B4GALNT3: variants seen among roughly 807,000 people sequenced by gnomAD.
The protein encoded by B4GALNT3 is beta-1,4-N-acetyl-galactosaminyltransferase 3, also known as beta-1,4-N-acetylgalactosaminyltransferase 3.
A neutral mutation model predicts 120.2 loss-of-function variants in B4GALNT3; 86 were observed. That is an observed-to-expected ratio of 0.72 (90% CI 0.60 to 0.86). The LOEUF (loss-of-function observed/expected upper bound fraction) is 0.86. Ranked by LOEUF, B4GALNT3 falls within the 40% of genes least tolerant of loss-of-function variation. B4GALNT3 has a pLI of 0.00. For synonymous variants in B4GALNT3, 518 were observed against 510.4 expected (o/e 1.01, Z -0.20); for missense variants, 1,167 against 1,298.9 (o/e 0.90, Z 1.56).
intron 9 of B4GALNT3, among the ~76,000 whole-genome samples, chr12:549,500 G>C (rs1308908988): frequency 6.6e-6 from 1 of 152,366 alleles, no homozygotes; most frequent in East Asian, 1.9e-4. Context: ...GCAGTCCGCA[G>C]TAACACATTT....
rs1269636399 is a variant in B4GALNT3, at chr12:554,618, G to A, written c.2060+635G>A. On this transcript the variant is annotated intron_variant, in intron 14 of 19. Coordinates refer to ENST00000266383, the MANE Select transcript of B4GALNT3 (RefSeq NM_173593.4). ...ATCCTGGCTAACACGGTGAAACCCCGTCTCTACTAAAAATACAAAAAATTA... is the reference window on the plus strand; with the variant it reads ...ATCCTGGCTAACACGGTGAAACCCCATCTCTACTAAAAATACAAAAAATTA... 1.5e-3 allele frequency among the ~76,000 whole-genome samples: 228 copies of A among 150,704 alleles called. 2 individuals are homozygous for A. Among genetic ancestry groups the A allele is most frequent in the African/African-American group, 5.1e-3 (209 of 40,980 alleles).
At chr12:496,695 G>A (rs894727971) in intron 1 of B4GALNT3, among the ~76,000 whole-genome samples, 2 of 152,014 alleles carry the variant, frequency 1.3e-5, no homozygotes, top group Admixed American at 6.6e-5. Context: ...AAATATTTCC[G>A]TCACCCCTAA....
At chr12:523,646 C>G (rs923467319) in intron 1 of B4GALNT3, among the ~76,000 whole-genome samples, 4 of 152,238 alleles carry the variant, frequency 2.6e-5, no homozygotes, top group Admixed American at 2.6e-4. Flanking sequence ...TTCCCTTTGA[C>G]ATTAAACAAA....
Position 559,318 on chromosome 12 carries a change from G to A in B4GALNT3, c.2785G>A (p.Gly929Arg), listed in dbSNP as rs370365454. 13 of 1,613,848 alleles carry A rather than the reference G, an allele frequency of 8.1e-6. No homozygotes were observed. Among genetic ancestry groups the A allele is most frequent in the African/African-American group, 2.7e-5 (2 of 74,882 alleles). ...PEGYWEVNGFGLLGIYKSDLD... is the reference protein window; with the variant it reads ...PEGYWEVNGFRLLGIYKSDLD... The stretch of plus-strand genomic sequence containing the variant: ...AGGCTACTGGGAGGTGAATGGGTTC[G>A]GGCTGCTTGGCATCTACAAGTCTGA... Residue 929 changes from glycine (G) to arginine (R), a missense_variant, in exon 19 of 20, where the codon GGG (glycine) becomes AGG (arginine). Coordinates refer to ENST00000266383, the MANE Select transcript of B4GALNT3 (RefSeq NM_173593.4).
chr12:534,489 C>T (rs1031069939), intron 1 of B4GALNT3, among the ~76,000 whole-genome samples: 9 of 152,202 alleles, frequency 5.9e-5, no homozygotes, highest in Admixed American at 2.0e-4. Flanking sequence ...CCCTCCCTCT[C>T]GCCATGGTTT....
intron 1 of B4GALNT3, among the ~76,000 whole-genome samples, chr12:470,962 C>G (rs1360232137): frequency 6.6e-6 from 1 of 152,004 alleles, no homozygotes; most frequent in East Asian, 2.0e-4. Flanking sequence ...CTCCTGACCT[C>G]AGGTGATGCG....
chr12:548,169 A>G lies in B4GALNT3; in HGVS notation c.787-62A>G. 1.9e-6 allele frequency: 3 copies of G among 1,607,008 alleles called. No individual in the cohort carries two copies. The highest frequency in any genetic ancestry group is 2.6e-6 in the Non-Finnish European group (3 of 1,173,790). ...GGCACTCATCTCCCCTTGTCCCTTG[A>G]CCCCTGTTGGAAATCCAGCTACCTC... On this transcript the variant is annotated intron_variant, in intron 8 of 19. Transcript: ENST00000266383. The surrounding 1 kb of genome is among the most constrained non-coding windows in gnomAD (Gnocchi z 4.9).
chr12:533,829 A>G lies in B4GALNT3; in HGVS notation c.170-1337A>G, dbSNP rs192300774. ...CACTCTCACCCCACACCTGCATTTC[A>G]GCGTGCAGCCCCTGATCCCACCCCT... On this transcript the variant is annotated intron_variant, in intron 1 of 19. Coordinates refer to ENST00000266383, the MANE Select transcript of B4GALNT3 (RefSeq NM_173593.4). Among the ~76,000 whole-genome samples, 233 of 152,342 alleles carry G rather than the reference A, an allele frequency of 1.5e-3. 1 individual carries two copies. The highest frequency in any genetic ancestry group is 5.6e-3 in the African/African-American group (231 of 41,582).
At chr12:472,030 A>G (rs1946142107) in intron 1 of B4GALNT3, among the ~76,000 whole-genome samples, 1 of 151,978 alleles carries the variant, frequency 6.6e-6, no homozygotes, top group South Asian at 2.1e-4. Context: ...CTCCAGCGAC[A>G]GCAGGCTGTT....
chr12:512,158 G>A (rs867235046), intron 1 of B4GALNT3, among the ~76,000 whole-genome samples: 32 of 23,146 alleles, frequency 1.4e-3, no homozygotes, highest in South Asian at 4.1e-3. Flanking sequence ...TCCGCCTTCC[G>A]CCTTCCACCT....
chr12:489,853 A>G (rs1031322725), intron 1 of B4GALNT3, among the ~76,000 whole-genome samples: 1 of 152,246 alleles, frequency 6.6e-6, no homozygotes, highest in African/African-American at 2.4e-5. Flanking sequence ...AAGATTGACC[A>G]TATTCGGGGT....
chr12:488,623 A>G (rs1565591704), intron 1 of B4GALNT3, among the ~76,000 whole-genome samples: 1 of 152,190 alleles, frequency 6.6e-6, no homozygotes, highest in African/African-American at 2.4e-5. Context: ...CCTGGGCAAC[A>G]TAGCAAGACC....
At chr12:559,592 G>GTT (rs1232483714) in intron 19 of B4GALNT3, among the ~76,000 whole-genome samples, 171 bp downstream of exon 19, 1 of 152,130 alleles carries the variant, frequency 6.6e-6, no homozygotes, top group Non-Finnish European at 1.5e-5. Context: ...CTGGGACTCA[G>GTT]TTTCTCTATT....
At chr12:475,863 C>T (rs1297665856) in intron 1 of B4GALNT3, among the ~76,000 whole-genome samples, 1 of 152,156 alleles carries the variant, frequency 6.6e-6, no homozygotes, top group Non-Finnish European at 1.5e-5. Context: ...CTTCACTCTC[C>T]CCACAGCATT....
rs1290007616 is a variant in B4GALNT3 at position 498,810 on chromosome 12, G to A, written c.170-36356G>A. Among the ~76,000 whole-genome samples the A allele has an allele frequency of 2.6e-5, 4 of 152,298 alleles. No individual in the cohort carries two copies. In the East Asian group the frequency reaches 7.7e-4, roughly 29 times the overall value. On this transcript the variant is annotated intron_variant, in intron 1 of 19. Coordinates refer to ENST00000266383, the MANE Select transcript of B4GALNT3 (RefSeq NM_173593.4). ...CCTTCAAGCACGCTGGACAGCCAGG[G>A]GCTTTCACCGTGGGTCAGAGAGCAC...
chr12:494,987 G>A (rs561380775), intron 1 of B4GALNT3, among the ~76,000 whole-genome samples: 1 of 152,324 alleles, frequency 6.6e-6, no homozygotes, highest in South Asian at 2.1e-4. Flanking sequence ...TGGAGTTCTT[G>A]TTCTGGCTCT....
intron 1 of B4GALNT3, among the ~76,000 whole-genome samples, chr12:503,775 C>T (rs150350219): frequency 1.2e-4 from 18 of 152,282 alleles, no homozygotes; most frequent in East Asian, 5.8e-4. Context: ...CTCCCATTCA[C>T]CTGGCAGCAT....
chr12:512,661 T>C (rs2120590712), intron 1 of B4GALNT3, among the ~76,000 whole-genome samples: 2 of 108,580 alleles, frequency 1.8e-5, no homozygotes, highest in Non-Finnish European at 1.8e-5. Flanking sequence ...TTCCACCTTC[T>C]TCCACCTTCC....
At chr12:504,290 C>T (rs1376621828) in intron 1 of B4GALNT3, among the ~76,000 whole-genome samples, 2 of 105,956 alleles carry the variant, frequency 1.9e-5, no homozygotes, top group East Asian at 5.5e-4. Context: ...AAAAAAAAAA[C>T]AAAAACAAAA....
Sources: allele counts gnomAD v4.1 joint callset (sites outside exome capture counted in the v4.1 genomes callset), GRCh38; gene constraint gnomAD v4.1.1; non-coding constraint Gnocchi (gnomAD v3.1); transcripts MANE v1.5; gene names NCBI Gene and HGNC (gene_info 2026-07-23, HGNC 2026-07-21).